The following CAPZA1 variants were observed in gnomAD, a reference collection of about 807,000 sequenced individuals.
CAPZA1 encodes the protein F-actin-capping protein subunit alpha-1.
A neutral mutation model predicts 40.8 loss-of-function variants in CAPZA1; 10 were observed. The ratio of observed to expected loss-of-function variants is 0.25; its 90% CI spans 0.15 to 0.42. CAPZA1 has a LOEUF of 0.42. Ranked by LOEUF, CAPZA1 falls within the 10% of genes least tolerant of loss-of-function variation. The pLI, the probability that CAPZA1 is intolerant of heterozygous loss-of-function variation, is 1.00. For missense variants in CAPZA1, 277 were observed against 353.8 expected (o/e 0.78, Z 1.74); for synonymous variants, 98 against 115.0 (o/e 0.85, Z 0.95).
At chr1:112,625,791 G>C (rs1418162464) in intron 1 of CAPZA1, 1 of 152,174 alleles carries the variant, frequency 6.6e-6, no homozygotes, top group South Asian at 2.1e-4. Flanking sequence ...TGGCCCTCCA[G>C]ATAGTGATTT....
intron 5 of CAPZA1, among the ~76,000 whole-genome samples, chr1:112,657,209 CTG>C (rs1174964501): frequency 6.6e-6 from 1 of 151,996 alleles, no homozygotes; most frequent in Non-Finnish European, 1.5e-5. Flanking sequence ...TAATTTTTCT[CTG>C]TGTGTGTTGT....
chr1:112,626,774 T>C (rs1670816577), intron 1 of CAPZA1, among the ~76,000 whole-genome samples: 1 of 152,216 alleles, frequency 6.6e-6, no homozygotes, highest in South Asian at 2.1e-4. Context: ...TTACAAAATT[T>C]TGAGCAGTGT....
intron 6 of CAPZA1, 128 bp from the exon 7 acceptor site, chr1:112,659,573 T>G: frequency 2.9e-6 from 2 of 682,606 alleles, no homozygotes; most frequent in Non-Finnish European, 2.4e-6. Flanking sequence ...GAAATGACAG[T>G]TTCTCTCTCT....
At chr1:112,638,664 G>T (rs1294203320) in intron 1 of CAPZA1, among the ~76,000 whole-genome samples, 1 of 152,052 alleles carries the variant, frequency 6.6e-6, no homozygotes, top group Non-Finnish European at 1.5e-5. Flanking sequence ...GCCGGGCACA[G>T]TGGCTCGCAT....
intron 5 of CAPZA1, among the ~76,000 whole-genome samples, chr1:112,655,929 A>G (rs897003186): frequency 5.9e-5 from 9 of 152,186 alleles, no homozygotes; most frequent in African/African-American, 1.9e-4. Flanking sequence ...TTTCCTTTAT[A>G]AAATTATGGC....
At chr1:112,646,705 T>G (rs1671287194) in intron 1 of CAPZA1, 1 of 152,160 alleles carries the variant, frequency 6.6e-6, no homozygotes, top group Admixed American at 6.5e-5. Context: ...ATTAATAGTT[T>G]TGGTTTTTTA....
At chr1:112,668,522 T>G (rs536014485) in intron 8 of CAPZA1, among the ~76,000 whole-genome samples, 43 of 152,312 alleles carry the variant, frequency 2.8e-4, no homozygotes, top group Admixed American at 2.7e-3. Flanking sequence ...AGATGAAGTT[T>G]CGCTCTTGTT....
At chr1:112,655,108 G>A (rs3103450) in intron 5 of CAPZA1, among the ~76,000 whole-genome samples, 77,497 of 151,872 alleles carry the variant, frequency 0.51, 20,201 homozygotes, top group South Asian at 0.65. Context: ...CATATTTATG[G>A]CTTTTTGATA....
intron 1 of CAPZA1, among the ~76,000 whole-genome samples, chr1:112,632,177 C>T (rs1273210686): frequency 3.3e-5 from 5 of 151,948 alleles, no homozygotes; most frequent in Non-Finnish European, 4.4e-5. Flanking sequence ...TGGTGGTGGG[C>T]GCCTGTAATG....
intron 1 of CAPZA1, among the ~76,000 whole-genome samples, chr1:112,644,194 T>C (rs1431369935): frequency 7.4e-6 from 1 of 134,414 alleles, no homozygotes; most frequent in African/African-American, 2.9e-5. Context: ...CTTTTTTTTT[T>C]TTTTTTTTTT....
At chr1:112,659,325 TGTTG>T in intron 6 of CAPZA1, 1 of 551,314 alleles carries the variant, frequency 1.8e-6, no homozygotes, top group Non-Finnish European at 3.2e-6. Context: ...TAAAGTGCCC[TGTTG>T]AAAATCTGAG....
At position 112,653,594 on chromosome 1, in the gene CAPZA1, A is replaced by C. The variant is rs559329967; in HGVS notation, c.156-4A>C. 29 of 1,553,454 alleles carry C rather than the reference A, an allele frequency of 1.9e-5. No individual in the cohort carries two copies. In the East Asian group the frequency reaches 3.0e-4, roughly 16 times the overall value. On this transcript the variant is annotated splice_region_variant and splice_polypyrimidine_tract_variant and intron_variant, in intron 3 of 9. Transcript: ENST00000263168. Reference sequence around the variant, plus strand: ...TTTTTTAAAAAACTTTTAAAAAAAAACAGTGCATTTGCCCAGTATAACATG... The same window carrying C: ...TTTTTTAAAAAACTTTTAAAAAAAACCAGTGCATTTGCCCAGTATAACATG...
Position 112,670,366 on chromosome 1 carries a change from T to TTTTC in CAPZA1, c.*237_*238insCTTT, listed in dbSNP as rs1557740066. 3 of 385,834 alleles carry TTTTC rather than the reference T, an allele frequency of 7.8e-6. No homozygotes were observed. Among genetic ancestry groups the TTTTC allele is most frequent in the Admixed American group, 4.5e-5 (1 of 22,282 alleles). The allele number at this position is 385,834 out of a possible 1,614,324, so 23.9% of individuals were successfully genotyped here. A position where few individuals can be genotyped will look rare whatever the true frequency, so the allele number is the denominator to read the frequency against. On this transcript the variant is annotated 3_prime_UTR_variant, in exon 10 of 10. Transcript: ENST00000263168. ...TCTACGTGTAAATCTTTTTTTCTTTTTTTTTTTTTTTTTTTGGTTAATTCT... is the reference window on the plus strand; with the variant it reads ...TCTACGTGTAAATCTTTTTTTCTTTTTTTCTTTTTTTTTTTTTTTGGTTAATTCT...
intron 1 of CAPZA1, among the ~76,000 whole-genome samples, chr1:112,637,436 T>TTTTTG (rs1271850204): frequency 4.6e-5 from 7 of 152,310 alleles, no homozygotes; most frequent in East Asian, 3.9e-4. Flanking sequence ...CCACCATCTG[T>TTTTTG]TTTTGTTTTG....
chr1:112,655,119 T>C (rs1394981722), intron 5 of CAPZA1, among the ~76,000 whole-genome samples: 1 of 152,206 alleles, frequency 6.6e-6, no homozygotes, highest in Non-Finnish European at 1.5e-5. Context: ...CTTTTTGATA[T>C]AGGCATTTTT....
chr1:112,636,400 T>C (rs968220047), intron 1 of CAPZA1, among the ~76,000 whole-genome samples: 1 of 152,214 alleles, frequency 6.6e-6, no homozygotes, highest in Non-Finnish European at 1.5e-5. Flanking sequence ...GGTTATATAT[T>C]TTAAATCCCC....
chr1:112,654,010 T>G (rs1296755949), intron 4 of CAPZA1, among the ~76,000 whole-genome samples: 4 of 152,210 alleles, frequency 2.6e-5, no homozygotes, highest in Non-Finnish European at 5.9e-5. Flanking sequence ...TTTATTACTT[T>G]AGGATTTTGG....
At chr1:112,640,531 C>T (rs530389986) in intron 1 of CAPZA1, among the ~76,000 whole-genome samples, 30 of 143,746 alleles carry the variant, frequency 2.1e-4, no homozygotes, top group African/African-American at 7.6e-4. Flanking sequence ...GGCGCCTCTG[C>T]CCGGCCGCCC....
intron 6 of CAPZA1, 144 bp from the exon 7 acceptor site, chr1:112,659,557 A>C (rs1671560892): frequency 7.6e-6 from 5 of 656,344 alleles, no homozygotes; most frequent in African/African-American, 3.7e-5. Flanking sequence ...TGGGTTTGCC[A>C]AACTGGAAAT....
Sources: allele counts gnomAD v4.1 joint callset (sites outside exome capture counted in the v4.1 genomes callset), GRCh38; gene constraint gnomAD v4.1.1; transcripts MANE v1.5; gene names NCBI Gene and HGNC (gene_info 2026-07-23, HGNC 2026-07-21).